Variants in SERPINE2 observed in about 807,000 individuals in gnomAD.
The protein encoded by SERPINE2 is serpin family E member 2.
In SERPINE2, 14 loss-of-function variants were observed where a neutral mutation model predicts 36.3. That is an observed-to-expected ratio of 0.39 (90% CI 0.25 to 0.60). SERPINE2 has a LOEUF of 0.60. SERPINE2 is among the 20% of genes least tolerant of loss of function. SERPINE2 has a pLI of 0.57. For missense variants in SERPINE2, 418 were observed against 499.6 expected (o/e 0.84, Z 1.56); for synonymous variants, 192 against 191.8 (o/e 1.00, Z -0.01).
At chr2:224,027,947 A>C (rs531647459) in intron 1 of SERPINE2, among the ~76,000 whole-genome samples, 1 of 152,114 alleles carries the variant, frequency 6.6e-6, no homozygotes, top group Non-Finnish European at 1.5e-5. Context: ...AGTCTTGTGG[A>C]CTCTCTTTTA....
chr2:223,990,794 G>A (rs4674836), intron 4 of SERPINE2, among the ~76,000 whole-genome samples: 78,369 of 151,830 alleles, frequency 0.52, 21,160 homozygotes, highest in Non-Finnish European at 0.61. Flanking sequence ...CCTGGGCAAC[G>A]TGGCAAAACC....
chr2:223,986,202 T>C (rs937501439), intron 4 of SERPINE2, among the ~76,000 whole-genome samples: 2 of 152,176 alleles, frequency 1.3e-5, no homozygotes, highest in Non-Finnish European at 2.9e-5. Flanking sequence ...CTGAGGTTAT[T>C]AGAATATATG....
intron 3 of SERPINE2, among the ~76,000 whole-genome samples, chr2:223,995,608 TTTTTTG>T (rs71408601): frequency 0.075 from 11,396 of 152,106 alleles, 520 homozygotes; most frequent in Non-Finnish European, 0.11. Context: ...GTGTTTTGGG[TTTTTTG>T]TTTTTGTTTT....
intron 1 of SERPINE2, among the ~76,000 whole-genome samples, chr2:224,008,041 A>G (rs542475954): frequency 2.0e-5 from 3 of 152,238 alleles, no homozygotes; most frequent in African/African-American, 4.8e-5. Context: ...TAGCCTGCAA[A>G]GCCAAAAACA....
At position 223,982,729 on chromosome 2, in the gene SERPINE2, T is replaced by C; in HGVS notation, c.937A>G (p.Ile313Val). The change falls in exon 6 of 9, where the codon ATT (isoleucine) becomes GTT (valine). Residue 313 changes from isoleucine (I) to valine (V), a missense_variant. Physicochemically the swap from Ile to Val is conservative, Grantham distance 29. Coordinates refer to ENST00000409304, the MANE Select transcript of SERPINE2 (RefSeq NM_001136528.2). ...TTTGATGAATCAAACATGTCAGTAA[T>C]GCCAAGAACTTTCAGCGGCTCCTTC... ...DLKEPLKVLG[I>V]TDMFDSSKAN... The C allele has an allele frequency of 6.2e-7, 1 of 1,613,982 alleles. No individual in the cohort carries two copies. The highest frequency in any genetic ancestry group is 8.5e-7 in the Non-Finnish European group (1 of 1,179,948).
At chr2:224,034,796 G>T (rs1692482458) in intron 1 of SERPINE2, among the ~76,000 whole-genome samples, 1 of 152,178 alleles carries the variant, frequency 6.6e-6, no homozygotes. Flanking sequence ...CACCCAGGGG[G>T]GCTGCGAGGA....
intron 1 of SERPINE2, among the ~76,000 whole-genome samples, chr2:224,023,658 C>G (rs1692086448): frequency 6.6e-6 from 1 of 152,188 alleles, no homozygotes; most frequent in African/African-American, 2.4e-5. Flanking sequence ...TCCTACCCTC[C>G]CTCCAAATAT....
intron 1 of SERPINE2, among the ~76,000 whole-genome samples, chr2:224,002,177 A>T (rs1283936313): frequency 6.6e-6 from 1 of 152,008 alleles, no homozygotes; most frequent in Admixed American, 6.6e-5. Flanking sequence ...GGATTTCACC[A>T]TGTTGGCCAG....
At chr2:223,977,523 T>A in intron 8 of SERPINE2, 21 bp downstream of exon 8, 5 of 1,492,410 alleles carry the variant, frequency 3.4e-6, no homozygotes, top group Middle Eastern at 1.7e-4. Context: ...GAGGGCATGA[T>A]GGAAGAGGAG....
At chr2:223,976,301 C>A (rs889736552) in intron 8 of SERPINE2, among the ~76,000 whole-genome samples, 1 of 152,182 alleles carries the variant, frequency 6.6e-6, no homozygotes, top group African/African-American at 2.4e-5. Flanking sequence ...CAGGCACCCA[C>A]CACCACTGCC....
intron 3 of SERPINE2, among the ~76,000 whole-genome samples, chr2:223,996,011 G>A (rs370432443): frequency 2.6e-5 from 4 of 152,172 alleles, no homozygotes; most frequent in Admixed American, 1.3e-4. Flanking sequence ...GTAATATGAT[G>A]TATGAATTTC....
chr2:223,997,068 C>T (rs529304438), intron 3 of SERPINE2, among the ~76,000 whole-genome samples: 1 of 152,216 alleles, frequency 6.6e-6, no homozygotes, highest in East Asian at 1.9e-4. Flanking sequence ...CAGAGTGAGA[C>T]CCTGTCTCCA....
intron 1 of SERPINE2, among the ~76,000 whole-genome samples, chr2:224,017,857 A>G (rs13393673): frequency 0.23 from 35,337 of 152,178 alleles, 4,489 homozygotes; most frequent in African/African-American, 0.34. Flanking sequence ...TCCTCTCTTC[A>G]GGCTTTGAAG....
chr2:224,020,260 G>A (rs1691952200), intron 1 of SERPINE2, among the ~76,000 whole-genome samples: 2 of 152,198 alleles, frequency 1.3e-5, no homozygotes, highest in South Asian at 4.1e-4. Flanking sequence ...TATTCCAGGT[G>A]ACGTCTGAAG....
chr2:224,016,484 C>A (rs906392416), intron 1 of SERPINE2, among the ~76,000 whole-genome samples: 1 of 139,628 alleles, frequency 7.2e-6, no homozygotes, highest in Non-Finnish European at 1.5e-5. Context: ...CCAGCCTGGG[C>A]GACAAGAGCG....
intron 1 of SERPINE2, chr2:224,030,971 C>T (rs1692343350): frequency 4.1e-6 from 4 of 985,414 alleles, no homozygotes; most frequent in Non-Finnish European, 4.8e-6. Context: ...ATGATTCAAA[C>T]GTACCACACA....
intron 8 of SERPINE2, among the ~76,000 whole-genome samples, chr2:223,976,890 C>G (rs1690034605): frequency 6.6e-6 from 1 of 152,182 alleles, no homozygotes; most frequent in African/African-American, 2.4e-5. Flanking sequence ...TTAATAATCC[C>G]CATATATCAA....
At chr2:224,015,939 TA>T (rs932149917) in intron 1 of SERPINE2, among the ~76,000 whole-genome samples, 3 of 151,400 alleles carry the variant, frequency 2.0e-5, no homozygotes, top group East Asian at 3.9e-4. Flanking sequence ...ACCCCAACTG[TA>T]AAAAAAAATC....
intron 1 of SERPINE2, among the ~76,000 whole-genome samples, chr2:224,014,127 C>T (rs1425834971): frequency 6.6e-6 from 1 of 152,194 alleles, no homozygotes; most frequent in Admixed American, 6.5e-5. Flanking sequence ...GTAATCCTAG[C>T]CCTTTGGGAA....
Sources: gnomAD v4.1 joint callset for allele counts (sites outside exome capture counted in the v4.1 genomes callset) on GRCh38, gnomAD v4.1.1 for gene constraint, MANE v1.5 for transcripts, NCBI Gene and HGNC (gene_info 2026-07-23, HGNC 2026-07-21) for gene names.